KCNN2: variants seen among roughly 807,000 people sequenced by gnomAD.
The protein encoded by KCNN2 is small conductance calcium-activated potassium channel protein 2.
A neutral mutation model predicts 55.5 loss-of-function variants in KCNN2; 24 were observed. The observed-to-expected ratio is 0.43, with a 90% CI of 0.31 to 0.61. The LOEUF (loss-of-function observed/expected upper bound fraction) is 0.61. KCNN2 is among the 20% of genes least tolerant of loss of function. The pLI is 0.08. For missense variants in KCNN2, 754 were observed against 853.6 expected (o/e 0.88, Z 1.45); for synonymous variants, 431 against 336.1 (o/e 1.28, Z -3.09).
intron 1 of KCNN2, among the ~76,000 whole-genome samples, chr5:114,131,981 T>C (rs1369301667): frequency 6.6e-6 from 1 of 152,220 alleles, no homozygotes; most frequent in Non-Finnish European, 1.5e-5. Context: ...GGTTGTTTGT[T>C]TTTTTCTTGT....
At position 114,123,551 on chromosome 5, in the gene KCNN2, G is replaced by C. The variant is rs1475020434; in HGVS notation, c.-271+67051G>C. 1.7e-5 allele frequency among the ~76,000 whole-genome samples: 2 copies of C among 118,710 alleles called. 1 individual carries two copies. Among genetic ancestry groups the C allele is most frequent in the Non-Finnish European group, 3.5e-5 (2 of 57,234 alleles). The allele number at this position is 118,710 out of a possible 152,430, so 77.9% of individuals were successfully genotyped here. ...CTAATTTTTTGTGTTTTTTAGTAGA[G>C]ACGGGGTTTCACTGTGTTAGCCAGA... On this transcript the variant is annotated intron_variant, in intron 1 of 10. Transcript: ENST00000512097.
chr5:114,278,667 T>C (rs1433755763), intron 2 of KCNN2, among the ~76,000 whole-genome samples: 3 of 152,214 alleles, frequency 2.0e-5, no homozygotes, highest in Admixed American at 1.3e-4. Flanking sequence ...GCATGGGACC[T>C]GCCAAGCCAG....
intron 1 of KCNN2, among the ~76,000 whole-genome samples, chr5:114,149,413 A>G (rs968782300): frequency 6.6e-6 from 1 of 152,198 alleles, no homozygotes; most frequent in Non-Finnish European, 1.5e-5. Flanking sequence ...ATTCCTAGGC[A>G]GATCGACAGG....
At chr5:114,193,563 A>T (rs1400760828) in intron 1 of KCNN2, among the ~76,000 whole-genome samples, 1 of 152,186 alleles carries the variant, frequency 6.6e-6, no homozygotes, top group Non-Finnish European at 1.5e-5. Flanking sequence ...GGAGTTACAT[A>T]ATGCAGGTTC....
intron 2 of KCNN2, among the ~76,000 whole-genome samples, chr5:114,312,992 G>C (rs1271580534): frequency 1.3e-5 from 2 of 152,028 alleles, no homozygotes; most frequent in Non-Finnish European, 2.9e-5. Flanking sequence ...ATATTTATAA[G>C]CTACCCTGCC....
At chr5:114,226,079 A>G (rs974336860) in intron 2 of KCNN2, among the ~76,000 whole-genome samples, 4 of 152,010 alleles carry the variant, frequency 2.6e-5, no homozygotes, top group African/African-American at 9.7e-5. Context: ...AGAAGAGCAG[A>G]GTGGGAAATA....
At chr5:114,164,257 G>A (rs1175316388) in intron 1 of KCNN2, among the ~76,000 whole-genome samples, 1 of 152,092 alleles carries the variant, frequency 6.6e-6, no homozygotes, top group Admixed American at 6.6e-5. Context: ...ATTAGGATGA[G>A]GACAAATATT....
chr5:114,241,137 T>C (rs1754609228), intron 2 of KCNN2, among the ~76,000 whole-genome samples: 1 of 151,828 alleles, frequency 6.6e-6, no homozygotes, highest in African/African-American at 2.4e-5. Context: ...AAGGAAGTTA[T>C]GAAATATAAC....
intron 1 of KCNN2, among the ~76,000 whole-genome samples, chr5:114,181,919 CA>C (rs1184730741): frequency 6.6e-6 from 1 of 152,094 alleles, no homozygotes; most frequent in Non-Finnish European, 1.5e-5. Flanking sequence ...GAGGCCAAGG[CA>C]GGAGGGTCAC....
intron 2 of KCNN2, among the ~76,000 whole-genome samples, chr5:114,301,741 C>A (rs1402793992): frequency 6.6e-6 from 1 of 152,154 alleles, no homozygotes; most frequent in African/African-American, 2.4e-5. Flanking sequence ...TAAAAACTTA[C>A]AGAAGACTGT....
At chr5:114,359,868 T>G (rs1488224623), upstream of KCNN2, among the ~76,000 whole-genome samples, 2 of 152,204 alleles carry the variant, frequency 1.3e-5, no homozygotes, top group Non-Finnish European at 2.9e-5. Flanking sequence ...GTTAGTAACT[T>G]TTCATAGGGA....
intron 6 of KCNN2, among the ~76,000 whole-genome samples, chr5:114,492,080 A>T (rs1747886008): frequency 6.6e-6 from 1 of 152,150 alleles, no homozygotes; most frequent in African/African-American, 2.4e-5. Flanking sequence ...GAGAAGTTAT[A>T]ACCTTAAACT....
At chr5:114,138,209 T>A (rs1429313140) in intron 1 of KCNN2, among the ~76,000 whole-genome samples, 1 of 152,176 alleles carries the variant, frequency 6.6e-6, no homozygotes, top group African/African-American at 2.4e-5. Context: ...TCTGAAGGAA[T>A]CTTCTTAATG....
chr5:114,156,203 C>T (rs921960607), intron 1 of KCNN2, among the ~76,000 whole-genome samples: 1 of 151,920 alleles, frequency 6.6e-6, no homozygotes, highest in African/African-American at 2.4e-5. Flanking sequence ...GGTATATGGT[C>T]TTATTTCTAG....
chr5:114,493,197 T>C (rs1747944607), intron 6 of KCNN2: 3 of 654,950 alleles, frequency 4.6e-6, no homozygotes, highest in Admixed American at 2.1e-5. Flanking sequence ...CATCTCTTGC[T>C]CTCACTCTCT....
chr5:114,146,891 G>A (rs1272027614), intron 1 of KCNN2, among the ~76,000 whole-genome samples: 1 of 152,186 alleles, frequency 6.6e-6, no homozygotes, highest in African/African-American at 2.4e-5. Flanking sequence ...TGATGAAAAA[G>A]GGGTGGTTTC....
chr5:114,308,518 T>G (rs1756334349), intron 2 of KCNN2, among the ~76,000 whole-genome samples: 1 of 152,202 alleles, frequency 6.6e-6, no homozygotes, highest in Non-Finnish European at 1.5e-5. Flanking sequence ...TCTCTTGAAC[T>G]TCTAGGTTAC....
At chr5:114,492,676 A>G (rs901387853) in intron 6 of KCNN2, among the ~76,000 whole-genome samples, 3 of 152,130 alleles carry the variant, frequency 2.0e-5, no homozygotes, top group Non-Finnish European at 4.4e-5. Context: ...ACAGTAGCTA[A>G]ACATAATCTT....
intron 2 of KCNN2, among the ~76,000 whole-genome samples, chr5:114,255,306 A>G (rs1410910042): frequency 2.6e-5 from 4 of 152,220 alleles, no homozygotes; most frequent in Admixed American, 2.0e-4. Context: ...GGCAACAAAA[A>G]CTTAGCTGAA....
Sources: allele counts gnomAD v4.1 joint callset (sites outside exome capture counted in the v4.1 genomes callset), GRCh38; gene constraint gnomAD v4.1.1; transcripts MANE v1.5; gene names NCBI Gene and HGNC (gene_info 2026-07-23, HGNC 2026-07-21).